Variants in ZNF256 observed in about 807,000 individuals in gnomAD.
ZNF256 encodes the protein zinc finger protein 256, also known as bone marrow zinc finger 3.
In ZNF256, 4 loss-of-function variants were observed where a neutral mutation model predicts 7.9. That is an observed-to-expected ratio of 0.50 (90% confidence interval 0.25 to 1.15). ZNF256 has a LOEUF of 1.15. ZNF256 is among the 50% of genes most tolerant of loss of function. The pLI, the probability that ZNF256 is intolerant of heterozygous loss-of-function variation, is 0.15. For missense variants in ZNF256, 666 were observed against 755.9 expected, an observed-to-expected ratio of 0.88 and a Z score of 1.39; for synonymous variants, 260 against 260.4, an observed-to-expected ratio of 1.00 and a Z score of 0.02.
Position 57,941,429 on chromosome 19 carries a change from T to C in ZNF256, c.1379A>G (p.Glu460Gly). Residue 460 changes from glutamate to glycine, a missense_variant, in exon 3 of 3, where the codon GAA becomes GGA. Glu to Gly is a moderately conservative substitution (Grantham distance 98). Transcript: ENST00000282308. ...ACATTCACTGCACTCATATGGCCTT[T>C]CTCCTGTGTGAACTCTCTCATGTAC... ...LIVHERVHTG[E>G]RPYECSECGK... 1 of 1,613,748 alleles carries C rather than the reference T, an allele frequency of 6.2e-7. No homozygotes were observed.
chr19:57,940,878 G>C lies in ZNF256; in HGVS notation c.*46C>G, dbSNP rs545667212. 4.0e-4 allele frequency: 614 copies of C among 1,526,040 alleles called. 7 individuals carry two copies. The South Asian group carries it at 7.4e-3, about 18-fold the overall frequency. 94.5% of individuals were successfully genotyped at this position (1,526,040 alleles called of 1,614,324 possible). ...TTTATTTATGTCTGTGAATTTTGCA[G>C]GGACACTTCTCAGTCCGTAACAGCC... On this transcript the variant is annotated 3_prime_UTR_variant, in exon 3 of 3. Transcript: ENST00000282308.
intron 1 of ZNF256, among the ~76,000 whole-genome samples, chr19:57,944,909 A>G (rs1217685538): frequency 8.0e-6 from 1 of 124,344 alleles, no homozygotes; most frequent in East Asian, 2.5e-4. Context: ...TCAACAGTTT[A>G]TTAATTTTTT....
In ZNF256 at chr19:57,947,534, T is replaced by G; in HGVS notation, c.-60A>C. ...GTCCTTATTCCGGGCCGGGCCTGGG[T>G]ACCCTGGGCGCCGCCGAGCCTCAGC... On this transcript the variant is annotated 5_prime_UTR_variant, in exon 1 of 3. Coordinates refer to ENST00000282308, the MANE Select transcript of ZNF256 (RefSeq NM_005773.3). 8.0e-7 allele frequency: 1 copy of G among 1,245,056 alleles called. No individual in the cohort carries two copies. The highest frequency in any genetic ancestry group is 1.0e-6 in the Non-Finnish European group (1 of 984,866). 77.1% of individuals were successfully genotyped at this position (1,245,056 alleles called of 1,614,324 possible). A position where few individuals can be genotyped will look rare whatever the true frequency, so the allele number is the denominator to read the frequency against.
rs1233540044 is a variant in ZNF256, at chr19:57,941,787, G to T, written c.1021C>A (p.His341Asn). The change falls in exon 3 of 3, where the codon CAC becomes AAC. Residue 341 changes from histidine to asparagine, a missense_variant. Coordinates refer to ENST00000282308, the MANE Select transcript of ZNF256 (RefSeq NM_005773.3). ...CTCATTCCAGTATGAATTCTCTGGT[G>T]TGTAATGAGGCTAGAGCTATGGCTA... The part of the protein sequence containing the change: ...SFSHSSSLIT[H>N]QRIHTGMRPY... 6.8e-6 allele frequency: 11 copies of T among 1,614,100 alleles called. No homozygotes were observed. Among genetic ancestry groups the T allele is most frequent in the Middle Eastern group, 1.6e-4 (1 of 6,062 alleles).
In ZNF256 at chr19:57,941,885, T is replaced by C. The variant is rs1321894345; in HGVS notation, c.923A>G (p.Tyr308Cys). The C allele has an allele frequency of 3.1e-6, 5 of 1,614,110 alleles. No homozygotes were observed. The highest frequency in any genetic ancestry group is 2.2e-5 in the East Asian group (1 of 44,892). Residue 308 changes from tyrosine (Y) to cysteine (C), a missense_variant, in exon 3 of 3, where the codon TAT (tyrosine) becomes TGT (cysteine). Physicochemically the swap from Tyr to Cys is radical, Grantham distance 194. Transcript: ENST00000282308. ...AACTCTCTGATGTATAAGAAGGTCA[T>C]ACTTCCTGTTAAATAATTTTCCACA... ...DECGKLFNRK[Y>C]DLLIHQRVHT...
Position 57,944,073 on chromosome 19 carries a change from G to C in ZNF256, c.34-13C>G. On this transcript the variant is annotated splice_polypyrimidine_tract_variant and intron_variant, in intron 1 of 2. Coordinates refer to ENST00000282308, the MANE Select transcript of ZNF256 (RefSeq NM_005773.3). ...AGGTCACAATGCCCTGCCAGGATGG[G>C]GACACATGAAACCACAAACGGTTCC... The C allele has an allele frequency of 6.2e-7, 1 of 1,613,176 alleles. No homozygotes were observed. The highest frequency in any genetic ancestry group is 1.1e-5 in the South Asian group (1 of 91,062).
chr19:57,941,860 A>G lies in ZNF256; in HGVS notation c.948T>C (p.Val316=). The stretch of plus-strand genomic sequence containing the variant: ...ACTTGTAAGGCCTTTCTCCAGTATG[A>G]ACTCTCTGATGTATAAGAAGGTCAT... ...RKYDLLIHQR[V]HTGERPYKCS... is the part of the protein sequence containing the mutation. Residue 316 remains valine, a synonymous_variant, in exon 3 of 3, where the codon GTT becomes GTC. Transcript: ENST00000282308. 1 of 1,614,158 alleles carries G rather than the reference A, an allele frequency of 6.2e-7. No individual in the cohort carries two copies. The highest frequency in any genetic ancestry group is 1.1e-5 in the South Asian group (1 of 91,084).
chr19:57,943,959 C>T lies in ZNF256; in HGVS notation c.135G>A (p.Glu45=). 6.2e-7 allele frequency: 1 copy of T among 1,614,070 alleles called. No individual in the cohort carries two copies. The highest frequency in any genetic ancestry group is 8.5e-7 in the Non-Finnish European group (1 of 1,179,984). The change falls in exon 2 of 3, where the codon GAG becomes GAA. Residue 45 remains glutamate (E), a synonymous_variant. Transcript: ENST00000282308. Reference sequence around the variant, plus strand: ...CCAGGGAGGTTGTAAGTGTCAAGTTCTCCAGCATCACATCGTGGTACAGGC... The same window carrying T: ...CCAGGGAGGTTGTAAGTGTCAAGTTTTCCAGCATCACATCGTGGTACAGGC... ...QKCLYHDVML[E]NLTLTTSLGG...
intron 2 of ZNF256, 118 bp from the exon 3 acceptor site, chr19:57,942,765 C>T (rs2072739737): frequency 7.9e-7 from 1 of 1,266,174 alleles, no homozygotes; most frequent in Admixed American, 2.4e-5. Context: ...GTTTTCAGGA[C>T]CAAGGTGTTG....
rs55778111 is a variant in ZNF256, at chr19:57,940,846, G to T, written c.*78C>A. The stretch of plus-strand genomic sequence containing the variant: ...TATAAAACATGGTTATTGAAAATAC[G>T]TATTTATTTATTTATGTCTGTGAAT... On this transcript the variant is annotated 3_prime_UTR_variant, in exon 3 of 3. Coordinates refer to ENST00000282308, the MANE Select transcript of ZNF256 (RefSeq NM_005773.3). The T allele has an allele frequency of 2.8e-6, 4 of 1,406,110 alleles. No homozygotes were observed. The African/African-American group carries it at 4.3e-5, about 15-fold the overall frequency. The allele number at this position is 1,406,110 out of a possible 1,614,324, so 87.1% of individuals were successfully genotyped here.
Position 57,941,995 on chromosome 19 carries a change from T to G in ZNF256, c.813A>C (p.Glu271Asp). ...AGCTTTGCCTATAGGATTTCCCACA[T>G]TCTCCACATGTATAAGGCTTTTCTG... Reference protein sequence around the residue: ...HTSEKPYTCGECGKSYRQSSS... With the variant: ...HTSEKPYTCGDCGKSYRQSSS... The change falls in exon 3 of 3, where the codon GAA becomes GAC. Residue 271 changes from glutamate (E) to aspartate (D), a missense_variant. Physicochemically the swap from Glu to Asp is conservative, Grantham distance 45. Transcript: ENST00000282308. The G allele has an allele frequency of 1.2e-6, 2 of 1,614,128 alleles. No homozygotes were observed. The highest frequency in any genetic ancestry group is 1.7e-6 in the Non-Finnish European group (2 of 1,179,964).
intron 1 of ZNF256, among the ~76,000 whole-genome samples, chr19:57,945,847 C>A (rs1276890822): frequency 6.6e-6 from 1 of 152,204 alleles, no homozygotes; most frequent in Non-Finnish European, 1.5e-5. Flanking sequence ...CCACCTAAAG[C>A]TCATTTAAAT....
chr19:57,940,895 G>T lies in ZNF256; in HGVS notation c.*29C>A, dbSNP rs199992557. On this transcript the variant is annotated 3_prime_UTR_variant, in exon 3 of 3. Transcript: ENST00000282308. ...ATTTTGCAGGGACACTTCTCAGTCC[G>T]TAACAGCCCTATGTGTGTTACCTAA... 4.7e-4 allele frequency: 743 copies of T among 1,583,600 alleles called. 9 individuals carry two copies. In the South Asian group the frequency reaches 4.9e-3, roughly 11 times the overall value.
intron 2 of ZNF256, among the ~76,000 whole-genome samples, chr19:57,943,239 C>T (rs1310848516): frequency 1.3e-5 from 2 of 152,212 alleles, no homozygotes; most frequent in African/African-American, 2.4e-5. Flanking sequence ...GTCATTAGCA[C>T]CAAAATATTA....
At position 57,947,554 on chromosome 19, in the gene ZNF256, C is replaced by G; in HGVS notation, c.-80G>C. 24 of 1,217,048 alleles carry G rather than the reference C, an allele frequency of 2.0e-5. No homozygotes were observed. The highest frequency in any genetic ancestry group is 2.5e-5 in the Non-Finnish European group (24 of 959,190). The allele number at this position is 1,217,048 out of a possible 1,614,324, so 75.4% of individuals were successfully genotyped here. On this transcript the variant is annotated 5_prime_UTR_variant, in exon 1 of 3. Transcript: ENST00000282308. Reference sequence around the variant, plus strand: ...CTGGGTACCCTGGGCGCCGCCGAGCCTCAGCCACGCCTCTGTGCAGCGGGG... The same window carrying G: ...CTGGGTACCCTGGGCGCCGCCGAGCGTCAGCCACGCCTCTGTGCAGCGGGG...
In ZNF256 at chr19:57,941,979, T is replaced by G. The variant is rs201603153; in HGVS notation, c.829A>C (p.Arg277=). ...TGCGTAATAAGGCTAGAGCTTTGCC[T>G]ATAGGATTTCCCACATTCTCCACAT... is the stretch of plus-strand genomic sequence containing the variant. ...YTCGECGKSY[R]QSSSLITHRR... is the part of the protein sequence containing the mutation. The change falls in exon 3 of 3, where the codon AGG becomes CGG. Residue 277 remains arginine (R), a synonymous_variant. Transcript: ENST00000282308. 40 of 1,614,198 alleles carry G rather than the reference T, an allele frequency of 2.5e-5. 1 individual carries two copies. In the Admixed American group the frequency reaches 5.8e-4, roughly 24 times the overall value.
chr19:57,942,430 T>G lies in ZNF256; in HGVS notation c.378A>C (p.Gln126His), dbSNP rs1186831028. The G allele has an allele frequency of 6.2e-7, 1 of 1,614,230 alleles. No individual in the cohort carries two copies. ...KLYTDGACRK[Q>H]LQFTAYLHQH... ...GATGAAGGTATGCAGTAAATTGTAA[T>G]TGTTTCCTACATGCCCCGTCTGTAT... The change falls in exon 3 of 3, where the codon CAA becomes CAC. Residue 126 changes from glutamine (Q) to histidine (H), a missense_variant. Gln to His is a conservative substitution (Grantham distance 24). Coordinates refer to ENST00000282308, the MANE Select transcript of ZNF256 (RefSeq NM_005773.3).
Position 57,947,448 on chromosome 19 carries a change from C to A in ZNF256, c.27G>T (p.Pro9=). The part of the protein sequence containing the change: MAAAELTA[P]AQGIVTFEDV... ...CAGAGGACGCGGCACATACCTGGGC[C>A]GGGGCCGTCAGCTCGGCCGCCGCCA... Residue 9 remains proline (P), a synonymous_variant, in exon 1 of 3, where the codon CCG becomes CCT. Transcript: ENST00000282308. 5 of 1,249,008 alleles carry A rather than the reference C, an allele frequency of 4.0e-6. No homozygotes were observed. The South Asian group carries it at 2.0e-4, about 51-fold the overall frequency. The allele number at this position is 1,249,008 out of a possible 1,614,324, so 77.4% of individuals were successfully genotyped here. A position where few individuals can be genotyped will look rare whatever the true frequency, so the allele number is the denominator to read the frequency against.
rs750778082 is a variant in ZNF256 at position 57,944,062 on chromosome 19, T to A, written c.34-2A>T. 4 of 1,613,576 alleles carry A rather than the reference T, an allele frequency of 2.5e-6. No individual in the cohort carries two copies. The African/African-American group carries it at 4.0e-5, about 16-fold the overall frequency. On this transcript the variant is annotated splice_acceptor_variant, in intron 1 of 2. Transcript: ENST00000282308. LOFTEE classifies it high-confidence loss of function. ...CACGTCCTCAAAGGTCACAATGCCC[T>A]GCCAGGATGGGGACACATGAAACCA...
Sources: allele counts gnomAD v4.1 joint callset (sites outside exome capture counted in the v4.1 genomes callset), GRCh38; gene constraint gnomAD v4.1.1; transcripts MANE v1.5; gene names NCBI Gene and HGNC (gene_info 2026-07-23, HGNC 2026-07-21).